Variants in PCDHGA12 observed in about 807,000 individuals in gnomAD.
The protein encoded by PCDHGA12 is protocadherin gamma subfamily A, 12.
In PCDHGA12, 43 loss-of-function variants were observed where a neutral mutation model predicts 61.1. The observed-to-expected ratio is 0.70, with a 90% CI of 0.55 to 0.91. PCDHGA12 has a LOEUF of 0.91. Among genes scored for constraint, PCDHGA12 ranks in the 40% least tolerant of loss-of-function variants. PCDHGA12 has a pLI of 0.00. For synonymous variants in PCDHGA12, 520 were observed against 542.9 expected (o/e 0.96, Z 0.59); for missense variants, 1,236 against 1,227.7 (o/e 1.01, Z -0.10).
intron 1 of PCDHGA12, chr5:141,478,188 C>T (rs770414950): frequency 4.3e-6 from 7 of 1,613,920 alleles, no homozygotes; most frequent in Non-Finnish European, 5.9e-6. Flanking sequence ...AAAAATCTCA[C>T]CTTTTATCTA....
intron 1 of PCDHGA12, chr5:141,441,868 C>A: frequency 3.0e-6 from 1 of 338,212 alleles, no homozygotes; most frequent in Non-Finnish European, 5.8e-6. Flanking sequence ...CGCCGCGGAG[C>A]CTGGCTACCT....
At chr5:141,453,145 G>A (rs1329081754) in intron 1 of PCDHGA12, among the ~76,000 whole-genome samples, 3 of 151,752 alleles carry the variant, frequency 2.0e-5, no homozygotes, top group Admixed American at 6.6e-5. Context: ...ATAGGGTCTC[G>A]CTATGTCACC....
chr5:141,466,612 C>T (rs141916895), intron 1 of PCDHGA12, among the ~76,000 whole-genome samples: 1 of 152,262 alleles, frequency 6.6e-6, no homozygotes, highest in East Asian at 1.9e-4. Flanking sequence ...TTGTAAACTG[C>T]CGTTTTCTTT....
intron 1 of PCDHGA12, among the ~76,000 whole-genome samples, chr5:141,453,673 AC>A (rs1459216908): frequency 6.6e-6 from 1 of 152,230 alleles, no homozygotes; most frequent in African/African-American, 2.4e-5. Flanking sequence ...ACAAAAGGTA[AC>A]ACACTATGTA....
Position 141,491,067 on chromosome 5 carries a change from G to A in PCDHGA12, c.2425-3740G>A, listed in dbSNP as rs752758445. On this transcript the variant is annotated intron_variant, in intron 1 of 3. Coordinates refer to ENST00000252085, the MANE Select transcript of PCDHGA12 (RefSeq NM_003735.3). This position sits in a 1 kb window ranked among gnomAD's most constrained non-coding sequence, Gnocchi z 6.9. ...ACAATGCGTGGCTCTCCTACTCACT[G>A]TTGCCACAGTCCACAGCCCCAGGAC... is the stretch of plus-strand genomic sequence containing the variant. 6.2e-7 allele frequency: 1 copy of A among 1,614,200 alleles called. No individual in the cohort carries two copies. Among genetic ancestry groups the A allele is most frequent in the East Asian group, 2.2e-5 (1 of 44,892 alleles).
At chr5:141,478,963 A>G (rs193236728) in intron 1 of PCDHGA12, among the ~76,000 whole-genome samples, 5 of 152,322 alleles carry the variant, frequency 3.3e-5, no homozygotes, top group East Asian at 1.9e-4. Context: ...TCATTCCTCC[A>G]CCTTTCAAGT....
chr5:141,510,825 G>C, intron 3 of PCDHGA12, 122 bp from the exon 4 acceptor site: 2 of 1,566,486 alleles, frequency 1.3e-6, no homozygotes, highest in Non-Finnish European at 1.7e-6. Flanking sequence ...TATATTCCCA[G>C]TGCTCAGCGT....
intron 1 of PCDHGA12, among the ~76,000 whole-genome samples, chr5:141,472,994 A>AAAAG (rs1425445230): frequency 1.3e-5 from 2 of 151,692 alleles, no homozygotes; most frequent in Non-Finnish European, 2.9e-5. Context: ...AAAAAAAAAA[A>AAAAG]AAAGAAAGAA....
At chr5:141,478,576 G>A (rs543160289) in intron 1 of PCDHGA12, 1 of 1,585,480 alleles carries the variant, frequency 6.3e-7, no homozygotes, top group Non-Finnish European at 8.6e-7. Flanking sequence ...GCTTGACCCT[G>A]TTAGTGCTTT....
rs369206085 is a variant in PCDHGA12 at position 141,490,515 on chromosome 5, G to A, written c.2425-4292G>A. On this transcript the variant is annotated intron_variant, in intron 1 of 3. Transcript: ENST00000252085. The surrounding 1 kb of genome is among the most constrained non-coding windows in gnomAD (Gnocchi z 5.4). ...CATCCCACTATATCATCGAGCTGCT[G>A]GCCAGCGATGCTGGTTCACCTTCCC... The A allele has an allele frequency of 2.3e-5, 37 of 1,613,840 alleles. No individual in the cohort carries two copies. In the Middle Eastern group the frequency reaches 1.2e-3, roughly 50 times the overall value.
intron 1 of PCDHGA12, among the ~76,000 whole-genome samples, chr5:141,445,156 GT>G (rs1248104914): frequency 6.6e-6 from 1 of 152,018 alleles, no homozygotes; most frequent in Non-Finnish European, 1.5e-5. Flanking sequence ...TTCATTTCTA[GT>G]TTACAGAAAA....
chr5:141,482,109 C>G (rs972542276), intron 1 of PCDHGA12, among the ~76,000 whole-genome samples: 2 of 149,582 alleles, frequency 1.3e-5, no homozygotes, highest in African/African-American at 2.5e-5. Context: ...AAAAAAATAT[C>G]TAGAGATGGG....
Position 141,476,279 on chromosome 5 carries a change from G to T in PCDHGA12, c.2425-18528G>T. The T allele has an allele frequency of 6.2e-7, 1 of 1,614,148 alleles. No individual in the cohort carries two copies. Among genetic ancestry groups the T allele is most frequent in the Non-Finnish European group, 8.5e-7 (1 of 1,180,024 alleles). On this transcript the variant is annotated intron_variant, in intron 1 of 3. Coordinates refer to ENST00000252085, the MANE Select transcript of PCDHGA12 (RefSeq NM_003735.3). This position sits in a 1 kb window ranked among gnomAD's most constrained non-coding sequence, Gnocchi z 7.6. ...TGTGGGCAACGTGGTCGCGAACCTT[G>T]GTTTGGATCTCGGTAGCCTCTCAGC...
chr5:141,494,251 G>C (rs961451413), intron 1 of PCDHGA12, among the ~76,000 whole-genome samples: 2 of 152,214 alleles, frequency 1.3e-5, no homozygotes, highest in African/African-American at 4.8e-5. Context: ...TTAGCTGTGG[G>C]AAGAGATTCT....
At position 141,432,207 on chromosome 5, in the gene PCDHGA12, A is replaced by G. The variant is rs1181424938; in HGVS notation, c.1448A>G (p.Glu483Gly). 3 of 1,614,176 alleles carry G rather than the reference A, an allele frequency of 1.9e-6. No homozygotes were observed. The highest frequency in any genetic ancestry group is 2.5e-6 in the Non-Finnish European group (3 of 1,180,026). ...SVTAHDPDCE[E>G]NAQITYSLAE... ...ACCGCCCACGACCCCGACTGTGAAG[A>G]GAACGCCCAGATCACTTATTCCCTG... Residue 483 changes from glutamate (E) to glycine (G), a missense_variant, in exon 1 of 4, where the codon GAG (glutamate) becomes GGG (glycine). Transcript: ENST00000252085. The surrounding 1 kb of genome is among the most constrained non-coding windows in gnomAD (Gnocchi z 6.0).
rs550977374 is a variant in PCDHGA12, at chr5:141,447,118, G to A, written c.2424+13935G>A. 9.2e-5 allele frequency among the ~76,000 whole-genome samples: 14 copies of A among 151,984 alleles called. No individual in the cohort carries two copies. The East Asian group carries it at 2.7e-3, about 29-fold the overall frequency. ...TTCACATGATTATATGTGCTCCATGGATTTTTTTGTTTGTTTGTTTTTTGT... is the reference window on the plus strand; with the variant it reads ...TTCACATGATTATATGTGCTCCATGAATTTTTTTGTTTGTTTGTTTTTTGT... On this transcript the variant is annotated intron_variant, in intron 1 of 3. Transcript: ENST00000252085.
Position 141,491,954 on chromosome 5 carries a change from C to A in PCDHGA12, c.2425-2853C>A. ...TGGGACCGACCCCCACCCCTACACT[C>A]AAAAAAGGCCGGGGCCTCCTTCGAG... On this transcript the variant is annotated intron_variant, in intron 1 of 3. Transcript: ENST00000252085. This position sits in a 1 kb window ranked among gnomAD's most constrained non-coding sequence, Gnocchi z 6.9. The A allele has an allele frequency of 9.7e-7, 1 of 1,032,914 alleles. No individual in the cohort carries two copies. Among genetic ancestry groups the A allele is most frequent in the Non-Finnish European group, 1.3e-6 (1 of 747,256 alleles). The allele number at this position is 1,032,914 out of a possible 1,614,324, so 64.0% of individuals were successfully genotyped here.
At chr5:141,459,156 T>C (rs920698328) in intron 1 of PCDHGA12, among the ~76,000 whole-genome samples, 1 of 152,188 alleles carries the variant, frequency 6.6e-6, no homozygotes, top group Non-Finnish European at 1.5e-5. Flanking sequence ...ATATAGAACA[T>C]TTCTATAACC....
At position 141,476,458 on chromosome 5, in the gene PCDHGA12, C is replaced by A. The variant is rs368153419; in HGVS notation, c.2425-18349C>A. Reference sequence around the variant, plus strand: ...TAACTCTGGAGTTGGTAGTGGAGAACCCGCTGGAGCTGTTCAGCGTGGAAG... The same window carrying A: ...TAACTCTGGAGTTGGTAGTGGAGAAACCGCTGGAGCTGTTCAGCGTGGAAG... On this transcript the variant is annotated intron_variant, in intron 1 of 3. Transcript: ENST00000252085. This position sits in a 1 kb window ranked among gnomAD's most constrained non-coding sequence, Gnocchi z 7.6. 1 of 1,613,928 alleles carries A rather than the reference C, an allele frequency of 6.2e-7. No individual in the cohort carries two copies. Among genetic ancestry groups the A allele is most frequent in the Non-Finnish European group, 8.5e-7 (1 of 1,180,022 alleles).
Sources: gnomAD v4.1 joint callset for allele counts (sites outside exome capture counted in the v4.1 genomes callset) on GRCh38, gnomAD v4.1.1 for gene constraint, Gnocchi (gnomAD v3.1) non-coding constraint, MANE v1.5 for transcripts, NCBI Gene and HGNC (gene_info 2026-07-23, HGNC 2026-07-21) for gene names.